The following SIGLEC9 variants were observed in gnomAD, a reference collection of about 807,000 sequenced individuals.
SIGLEC9 encodes sialic acid-binding Ig-like lectin 9.
In SIGLEC9, 26 loss-of-function variants were observed where a neutral mutation model predicts 38.3. The observed-to-expected ratio is 0.68, with a 90% CI of 0.50 to 0.94. The LOEUF is 0.94. Ranked by LOEUF, SIGLEC9 falls within the 40% of genes least tolerant of loss-of-function variation. The pLI is 0.00. For missense variants in SIGLEC9, 556 were observed against 585.7 expected (o/e 0.95, Z 0.52); for synonymous variants, 236 against 248.0 (o/e 0.95, Z 0.45).
At chr19:51,134,044 T>C (rs1337510297), downstream of SIGLEC9, among the ~76,000 whole-genome samples, 1 of 151,684 alleles carries the variant, frequency 6.6e-6, no homozygotes, top group Non-Finnish European at 1.5e-5. Context: ...AGACAGAAAT[T>C]CATAACAGTG....
intron 2 of SIGLEC9, 43 bp from the exon 3 acceptor site, chr19:51,126,038 C>A: frequency 6.2e-7 from 1 of 1,602,302 alleles, no homozygotes; most frequent in Non-Finnish European, 8.6e-7. Flanking sequence ...CCAGTGTCCC[C>A]AGCCCTCACA....
intron 6 of SIGLEC9, among the ~76,000 whole-genome samples, chr19:51,129,111 T>C (rs2091998025): frequency 6.6e-6 from 1 of 152,072 alleles, no homozygotes; most frequent in South Asian, 2.1e-4. Context: ...TCCCAAACTC[T>C]ATAGCCTGCA....
exon 7 of SIGLEC9, chr19:51,136,029 G>A (rs892603403): frequency 1.7e-5 from 12 of 703,414 alleles, no homozygotes; most frequent in Non-Finnish European, 2.9e-5. Context: ...CTGAATCTCC[G>A]TGATCTTTGT....
upstream of SIGLEC9, chr19:51,119,938 C>T (rs1157281934): frequency 2.9e-5 from 5 of 170,940 alleles, no homozygotes; most frequent in Non-Finnish European, 6.1e-5. Flanking sequence ...GTGTCTGAGC[C>T]TCTCCTTCTC....
intron 4 of SIGLEC9, 88 bp downstream of exon 4, chr19:51,127,384 A>C: frequency 1.5e-6 from 2 of 1,366,840 alleles, no homozygotes; most frequent in Non-Finnish European, 2.0e-6. Flanking sequence ...ACCTTCAGAG[A>C]GGAGCTCCGC....
At chr19:51,124,189 G>A (rs770588742), upstream of SIGLEC9, among the ~76,000 whole-genome samples, 3 of 152,160 alleles carry the variant, frequency 2.0e-5, no homozygotes, top group Admixed American at 6.5e-5. Context: ...AAGCCCCACA[G>A]TACAACAGTC....
Position 51,130,230 on chromosome 19 carries a change from T to C in SIGLEC9, c.*151T>C. 7.4e-7 allele frequency: 1 copy of C among 1,345,354 alleles called. No individual in the cohort carries two copies. Among genetic ancestry groups the C allele is most frequent in the Non-Finnish European group, 9.5e-7 (1 of 1,048,466 alleles). The allele number at this position is 1,345,354 out of a possible 1,614,324, so 83.3% of individuals were successfully genotyped here. A position where few individuals can be genotyped will look rare whatever the true frequency, so the allele number is the denominator to read the frequency against. ...GTGCAGAGTGAAAAGCACACAGGCTTTAGAGTCAAAGTATCTCAAACCTGA... is the reference window on the plus strand; with the variant it reads ...GTGCAGAGTGAAAAGCACACAGGCTCTAGAGTCAAAGTATCTCAAACCTGA... On this transcript the variant is annotated 3_prime_UTR_variant, in exon 7 of 7. Transcript: ENST00000250360.
chr19:51,124,866 C>T, upstream of SIGLEC9: 1 of 1,422,652 alleles, frequency 7.0e-7, no homozygotes, highest in Non-Finnish European at 9.4e-7. Context: ...TCCGACCTCG[C>T]CCCTGTCTTC....
Position 51,126,983 on chromosome 19 carries a change from T to G in SIGLEC9, c.749-47T>G, listed in dbSNP as rs753007809. The G allele has an allele frequency of 5.8e-6, 9 of 1,563,836 alleles. No individual in the cohort carries two copies. In the South Asian group the frequency reaches 1.0e-4, roughly 17 times the overall value. On this transcript the variant is annotated intron_variant, in intron 3 of 6. Transcript: ENST00000250360. ...AGTCTCTTTCTGTATCCTTCCTTTT[T>G]CTCCAGATCTATGTATCTCTCTGAC...
In SIGLEC9 at chr19:51,128,544, A is replaced by G. The variant is rs779495831; in HGVS notation, c.1203+34A>G. On this transcript the variant is annotated intron_variant, in intron 6 of 6. Coordinates refer to ENST00000250360, the MANE Select transcript of SIGLEC9 (RefSeq NM_014441.3). Reference sequence around the variant, plus strand: ...TGTGGACTCTCCACAGCCAGCATGTAGCCTGGACACCTCCCACAGGATGAC... The same window carrying G: ...TGTGGACTCTCCACAGCCAGCATGTGGCCTGGACACCTCCCACAGGATGAC... 6.3e-6 allele frequency: 10 copies of G among 1,590,828 alleles called. No individual in the cohort carries two copies. The East Asian group carries it at 2.2e-4, about 36-fold the overall frequency.
At chr19:51,132,793 A>G (rs1202931157), downstream of SIGLEC9, among the ~76,000 whole-genome samples, 2 of 152,196 alleles carry the variant, frequency 1.3e-5, no homozygotes, top group East Asian at 3.8e-4. Flanking sequence ...ATAACACGGA[A>G]TGCTTCTGTA....
chr19:51,125,325 C>T lies in SIGLEC9; in HGVS notation c.351C>T (p.Tyr117=). ...RDARRSDAGR[Y]FFRMEKGSIK... is the part of the protein sequence containing the mutation. Reference sequence around the variant, plus strand: ...CCAGAAGAAGTGATGCGGGGAGATACTTCTTTCGTATGGAGAAAGGAAGTA... The same window carrying T: ...CCAGAAGAAGTGATGCGGGGAGATATTTCTTTCGTATGGAGAAAGGAAGTA... The change falls in exon 1 of 7, where the codon TAC becomes TAT. Residue 117 remains tyrosine (Y), a synonymous_variant. Transcript: ENST00000250360. 1 of 1,612,580 alleles carries T rather than the reference C, an allele frequency of 6.2e-7. No homozygotes were observed. Among genetic ancestry groups the T allele is most frequent in the Non-Finnish European group, 8.5e-7 (1 of 1,179,216 alleles).
At chr19:51,134,153 T>TTC (rs2092031324), downstream of SIGLEC9, among the ~76,000 whole-genome samples, 1 of 122,420 alleles carries the variant, frequency 8.2e-6, no homozygotes, top group Non-Finnish European at 1.7e-5. Flanking sequence ...TTTTCTTTTT[T>TTC]TTTTTTTTTT....
upstream of SIGLEC9, among the ~76,000 whole-genome samples, chr19:51,122,119 G>T (rs2091951327): frequency 6.6e-6 from 1 of 152,092 alleles, no homozygotes; most frequent in Admixed American, 6.5e-5. This position sits in a 1 kb window ranked among gnomAD's most constrained non-coding sequence, Gnocchi z 4.1. Context: ...ATATGTGCAG[G>T]TCTCTTCATC....
In SIGLEC9 at chr19:51,128,033, T is replaced by A; in HGVS notation, c.1100T>A (p.Phe367Tyr). Residue 367 changes from phenylalanine to tyrosine, a missense_variant, in exon 5 of 7, where the codon TTC (phenylalanine) becomes TAC (tyrosine). Physicochemically the swap from Phe to Tyr is conservative, Grantham distance 22. Transcript: ENST00000250360. Reference protein sequence around the residue: ...ALVFLSFCVIFVVVRSCRKKS... With the variant: ...ALVFLSFCVIYVVVRSCRKKS... ...GTCTTCCTGTCCTTCTGCGTCATCT[T>A]CGTTGTGTAAGCATGGACCCTAGAG... The A allele has an allele frequency of 6.2e-7, 1 of 1,613,168 alleles. No individual in the cohort carries two copies. Among genetic ancestry groups the A allele is most frequent in the Non-Finnish European group, 8.5e-7 (1 of 1,179,188 alleles).
intron 1 of SIGLEC9, 71 bp from the exon 2 acceptor site, chr19:51,125,526 G>C (rs1055128195): frequency 1.3e-6 from 2 of 1,579,704 alleles, no homozygotes; most frequent in African/African-American, 2.7e-5. Context: ...AGCTGGACCA[G>C]AGCCTGAGCT....
At chr19:51,133,029 TAA>T (rs1338275492), downstream of SIGLEC9, among the ~76,000 whole-genome samples, 3 of 151,748 alleles carry the variant, frequency 2.0e-5, no homozygotes, top group South Asian at 2.1e-4. Flanking sequence ...ATTGTAAATA[TAA>T]GTTTATATAT....
At chr19:51,129,181 C>G (rs2091999393) in intron 6 of SIGLEC9, among the ~76,000 whole-genome samples, 1 of 125,534 alleles carries the variant, frequency 8.0e-6, no homozygotes, top group South Asian at 2.1e-4. Flanking sequence ...GTTTTTGAGA[C>G]AGAGTCTTGC....
At chr19:51,136,111 G>A (rs1486819848) in exon 7 of SIGLEC9, 5 of 703,792 alleles carry the variant, frequency 7.1e-6, no homozygotes, top group African/African-American at 1.7e-5. Flanking sequence ...TTGCTGGGGA[G>A]ATAGTGTGGT....
Sources: allele counts gnomAD v4.1 joint callset (sites outside exome capture counted in the v4.1 genomes callset), GRCh38; gene constraint gnomAD v4.1.1; non-coding constraint Gnocchi (gnomAD v3.1); transcripts MANE v1.5; gene names NCBI Gene and HGNC (gene_info 2026-07-23, HGNC 2026-07-21).